Variants in ENAH observed in about 807,000 individuals in gnomAD.
ENAH encodes ENAH actin regulator, also known as protein enabled homolog.
In ENAH, 23 loss-of-function variants were observed where a neutral mutation model predicts 78.7. That is an observed-to-expected ratio of 0.29 (90% CI 0.21 to 0.41). The LOEUF is 0.41. Among genes scored for constraint, ENAH ranks in the 10% least tolerant of loss-of-function variants. ENAH has a pLI of 1.00. For synonymous variants in ENAH, 226 were observed against 241.0 expected (o/e 0.94, Z 0.58); for missense variants, 544 against 691.0 (o/e 0.79, Z 2.39).
intron 1 of ENAH, among the ~76,000 whole-genome samples, chr1:225,639,013 C>T (rs1409936690): frequency 2.0e-5 from 3 of 152,200 alleles, no homozygotes; most frequent in South Asian, 2.1e-4. Flanking sequence ...GGCCATTTCA[C>T]CTTTGCCCTG....
At chr1:225,534,406 T>C (rs964326267) in intron 3 of ENAH, among the ~76,000 whole-genome samples, 4 of 152,166 alleles carry the variant, frequency 2.6e-5, no homozygotes, top group African/African-American at 9.6e-5. Flanking sequence ...GCCTTTTCTT[T>C]TCTTTCCTTT....
intron 3 of ENAH, among the ~76,000 whole-genome samples, chr1:225,535,160 AATT>A (rs1278155311): frequency 6.6e-6 from 1 of 152,170 alleles, no homozygotes; most frequent in Non-Finnish European, 1.5e-5. Flanking sequence ...GATGGACATA[AATT>A]TTTTCCTTAA....
intron 1 of ENAH, among the ~76,000 whole-genome samples, chr1:225,630,116 T>C (rs1244713017): frequency 6.6e-6 from 1 of 152,190 alleles, no homozygotes; most frequent in Non-Finnish European, 1.5e-5. Flanking sequence ...TGCATCCTTT[T>C]GAAATATTTA....
At chr1:225,503,131 C>T (rs2096294121) in intron 11 of ENAH, among the ~76,000 whole-genome samples, 1 of 152,130 alleles carries the variant, frequency 6.6e-6, no homozygotes, top group Non-Finnish European at 1.5e-5. Context: ...CCACCACCAC[C>T]ACCATGATAA....
Position 225,651,051 on chromosome 1 carries a change from A to G in ENAH, c.5+1635T>C, listed in dbSNP as rs568677684. Among the ~76,000 whole-genome samples, 4 of 152,174 alleles carry G rather than the reference A, an allele frequency of 2.6e-5. No individual in the cohort carries two copies. In the East Asian group the frequency reaches 7.7e-4, roughly 29 times the overall value. On this transcript the variant is annotated intron_variant, in intron 1 of 13. Coordinates refer to ENST00000366843, the MANE Select transcript of ENAH (RefSeq NM_018212.6). ...TATATTATAGTTCCTGAGTTTAAGGACATCAGTAACTTGATTTAAAAAAAA... is the reference window on the plus strand; with the variant it reads ...TATATTATAGTTCCTGAGTTTAAGGGCATCAGTAACTTGATTTAAAAAAAA...
At chr1:225,513,973 G>A (rs759374782) in intron 7 of ENAH, among the ~76,000 whole-genome samples, 2 of 151,904 alleles carry the variant, frequency 1.3e-5, no homozygotes, top group Non-Finnish European at 2.9e-5. Flanking sequence ...TGGATAACAA[G>A]AGTGAAACTC....
intron 3 of ENAH, among the ~76,000 whole-genome samples, chr1:225,538,616 T>TTC (rs1553430581): frequency 1.3e-5 from 2 of 151,248 alleles, no homozygotes; most frequent in East Asian, 3.9e-4. Context: ...TGGGTTTTTT[T>TTC]CCCATCCTTT....
chr1:225,527,077 G>GCTGA (rs2096511140), intron 4 of ENAH, among the ~76,000 whole-genome samples: 1 of 152,196 alleles, frequency 6.6e-6, no homozygotes, highest in Non-Finnish European at 1.5e-5. Flanking sequence ...GCGTCTAGGA[G>GCTGA]CTGAGCAAGG....
intron 2 of ENAH, among the ~76,000 whole-genome samples, chr1:225,557,837 T>C (rs561383790): frequency 5.3e-5 from 8 of 152,158 alleles, no homozygotes; most frequent in African/African-American, 1.9e-4. Flanking sequence ...TAAATAAATA[T>C]ATAAATAAAT....
intron 9 of ENAH, 26 bp downstream of exon 9, chr1:225,512,631 A>G (rs369541905): frequency 8.2e-5 from 132 of 1,600,902 alleles, no homozygotes; most frequent in Non-Finnish European, 1.1e-4. Flanking sequence ...ATTTTAAGGT[A>G]TGGTAGACTA....
At position 225,589,484 on chromosome 1, in the gene ENAH, T is replaced by A. The variant is rs2096864971; in HGVS notation, c.6-22070A>T. The stretch of plus-strand genomic sequence containing the variant: ...GAACTGGCTGCAGGACTCCCACAGA[T>A]ATTAAAATCTGCTAATACTCAAGTC... On this transcript the variant is annotated intron_variant, in intron 1 of 13. Coordinates refer to ENST00000366843, the MANE Select transcript of ENAH (RefSeq NM_018212.6). 2.0e-5 allele frequency among the ~76,000 whole-genome samples: 3 copies of A among 152,196 alleles called. 1 individual carries two copies. The South Asian group carries it at 6.2e-4, about 32-fold the overall frequency.
intron 1 of ENAH, among the ~76,000 whole-genome samples, chr1:225,634,719 G>C (rs1023854992): frequency 1.3e-5 from 2 of 152,168 alleles, no homozygotes; most frequent in Non-Finnish European, 2.9e-5. Context: ...AAAATCTATT[G>C]AATGTGAGGG....
In ENAH at chr1:225,653,003, G is replaced by T; in HGVS notation, c.-313C>A. ...TCCTCCTCCCGGAGCTTCCTCGGCC[G>T]CCCTCTGAGGGGTGCCCGCCGGGGC... On this transcript the variant is annotated 5_prime_UTR_variant, in exon 1 of 14. Coordinates refer to ENST00000366843, the MANE Select transcript of ENAH (RefSeq NM_018212.6). This position sits in a 1 kb window ranked among gnomAD's most constrained non-coding sequence, Gnocchi z 4.3. 1 of 262,624 alleles carries T rather than the reference G, an allele frequency of 3.8e-6. No individual in the cohort carries two copies. The highest frequency in any genetic ancestry group is 7.2e-6 in the Non-Finnish European group (1 of 139,412). The allele number at this position is 262,624 out of a possible 1,614,324, so 16.3% of individuals were successfully genotyped here. A position where few individuals can be genotyped will look rare whatever the true frequency, so the allele number is the denominator to read the frequency against.
At chr1:225,530,412 C>A in intron 4 of ENAH, 142 bp downstream of exon 4, 1 of 607,276 alleles carries the variant, frequency 1.6e-6, no homozygotes, top group Non-Finnish European at 2.9e-6. Flanking sequence ...TTACTAATGA[C>A]AGTCACAAAA....
intron 4 of ENAH, among the ~76,000 whole-genome samples, chr1:225,520,023 G>C (rs972944099): frequency 6.6e-6 from 1 of 152,180 alleles, no homozygotes; most frequent in Non-Finnish European, 1.5e-5. Flanking sequence ...GCCAGGTGTA[G>C]TGACTCACAC....
rs935080538 is a variant in ENAH, at chr1:225,653,112, G to C, written c.-422C>G. 1 of 152,120 alleles carries C rather than the reference G, an allele frequency of 6.6e-6. No individual in the cohort carries two copies. The highest frequency in any genetic ancestry group is 2.4e-5 in the African/African-American group (1 of 41,338). The allele number at this position is 152,120 out of a possible 1,614,324, so 9.4% of individuals were successfully genotyped here. A position where few individuals can be genotyped will look rare whatever the true frequency, so the allele number is the denominator to read the frequency against. ...TGCAACCGGCAGCTGCTGCAGCCGC[G>C]GGAGGAGAGTCGGGATCGCCGCGAG... On this transcript the variant is annotated 5_prime_UTR_variant, in exon 1 of 14. Transcript: ENST00000366843. The surrounding 1 kb of genome is among the most constrained non-coding windows in gnomAD (Gnocchi z 4.3).
intron 1 of ENAH, among the ~76,000 whole-genome samples, chr1:225,625,171 T>C (rs1252756780): frequency 6.6e-6 from 1 of 152,220 alleles, no homozygotes; most frequent in African/African-American, 2.4e-5. Flanking sequence ...CCTTAGGCTA[T>C]GAATGTTTAG....
intron 1 of ENAH, among the ~76,000 whole-genome samples, chr1:225,617,080 C>T (rs1655873897): frequency 1.3e-5 from 2 of 149,958 alleles, no homozygotes; most frequent in Non-Finnish European, 2.9e-5. Context: ...GCCGGGGCAA[C>T]ACAGCAAGGC....
At chr1:225,650,569 G>A (rs1056214584) in intron 1 of ENAH, among the ~76,000 whole-genome samples, 1 of 151,692 alleles carries the variant, frequency 6.6e-6, no homozygotes. Context: ...ACCCACTTTC[G>A]GCCAGGCACC....
Sources: gnomAD v4.1 joint callset for allele counts (sites outside exome capture counted in the v4.1 genomes callset) on GRCh38, gnomAD v4.1.1 for gene constraint, Gnocchi (gnomAD v3.1) non-coding constraint, MANE v1.5 for transcripts, NCBI Gene and HGNC (gene_info 2026-07-23, HGNC 2026-07-21) for gene names.